RUFY4: variants seen among roughly 807,000 people sequenced by gnomAD.
The protein encoded by RUFY4 is RUN and FYVE domain containing 4, also known as RUN and FYVE domain-containing protein 4.
In RUFY4, 73 loss-of-function variants were observed where a neutral mutation model predicts 69.0. The ratio of observed to expected loss-of-function variants is 1.06; its 90% CI spans 0.88 to 1.29. The LOEUF (loss-of-function observed/expected upper bound fraction) is 1.29, where lower values mean the gene tolerates loss of function less well. Ranked by LOEUF, RUFY4 falls within the 50% of genes most tolerant of loss-of-function variation. The pLI is 0.00. For missense variants in RUFY4, 770 were observed against 705.6 expected, an observed-to-expected ratio of 1.09 and a Z score of -1.03; for synonymous variants, 287 against 271.8, an observed-to-expected ratio of 1.06 and a Z score of -0.55.
intron 4 of RUFY4, 84 bp downstream of exon 6, chr2:218,072,969 A>G (rs948415729): frequency 8.7e-6 from 10 of 1,147,410 alleles, no homozygotes; most frequent in South Asian, 4.7e-5. Flanking sequence ...TAACCCCCAC[A>G]GATGGCTTTC....
intron 3 of RUFY4, among the ~76,000 whole-genome samples, chr2:218,063,327 C>T (rs1234834178): frequency 2.6e-5 from 4 of 152,186 alleles, no homozygotes; most frequent in Non-Finnish European, 5.9e-5. Flanking sequence ...TCCCAGAACC[C>T]ACTTCACACT....
chr2:218,078,251 G>C (rs1689681335), intron 8 of RUFY4, among the ~76,000 whole-genome samples: 1 of 152,164 alleles, frequency 6.6e-6, no homozygotes, highest in African/African-American at 2.4e-5. Flanking sequence ...ATGTTGGTGT[G>C]GTATTTTACA....
intron 8 of RUFY4, among the ~76,000 whole-genome samples, chr2:218,080,121 A>G (rs1427933280): frequency 6.6e-6 from 1 of 152,214 alleles, no homozygotes; most frequent in Non-Finnish European, 1.5e-5. Context: ...GGCCAGATGC[A>G]TACGGGGTGT....
At position 218,089,541 on chromosome 2, in the gene RUFY4, GA is replaced by G. The variant is rs1271211886; in HGVS notation, c.1613+181del. On this transcript the variant is annotated intron_variant, in intron 10 of 10. Transcript: ENST00000344321. The stretch of plus-strand genomic sequence containing the variant: ...CAACACTAAGCAGAGCCATAAAGGA[GA>G]AGAGCAGAAGGATCAGATAAGGAAT... 4 of 640,714 alleles carry G rather than the reference GA, an allele frequency of 6.2e-6. No individual in the cohort carries two copies. In the African/African-American group the frequency reaches 7.3e-5, roughly 12 times the overall value. The allele number at this position is 640,714 out of a possible 1,614,324, so 39.7% of individuals were successfully genotyped here.
chr2:218,062,561 A>C (rs551654996), intron 3 of RUFY4, among the ~76,000 whole-genome samples: 1 of 151,990 alleles, frequency 6.6e-6, no homozygotes, highest in Non-Finnish European at 1.5e-5. Flanking sequence ...ACTACAAAAA[A>C]TTAGCTGGGC....
chr2:218,074,972 A>G, intron 6 of RUFY4, 121 bp from the exon 9 acceptor site: 1 of 1,072,790 alleles, frequency 9.3e-7, no homozygotes, highest in Non-Finnish European at 1.3e-6. Flanking sequence ...GCTTCCAGTG[A>G]GAGGACCTGG....
Position 218,072,774 on chromosome 2 carries a change from T to C in RUFY4, c.280-5T>C, listed in dbSNP as rs372594373. On this transcript the variant is annotated splice_region_variant and splice_polypyrimidine_tract_variant and intron_variant, in intron 3 of 10. Coordinates refer to ENST00000344321, the Ensembl canonical transcript of RUFY4. ...CTCCCCATTCTGCCCCTGTGCACTC[T>C]GCAGTTGAAGACCCCTCTGGGGAAA... 1.3e-6 allele frequency: 2 copies of C among 1,519,270 alleles called. No individual in the cohort carries two copies. The highest frequency in any genetic ancestry group is 1.4e-5 in the African/African-American group (1 of 72,464). 94.1% of individuals were successfully genotyped at this position (1,519,270 alleles called of 1,614,324 possible). A position where few individuals can be genotyped will look rare whatever the true frequency, so the allele number is the denominator to read the frequency against.
chr2:218,089,423 C>T, intron 10 of RUFY4, 61 bp downstream of exon 12: 1 of 1,404,246 alleles, frequency 7.1e-7, no homozygotes, highest in South Asian at 1.2e-5. Flanking sequence ...AGCTGACAGC[C>T]CCCACCCACC....
At chr2:218,089,130 T>C (rs1689965979) in intron 9 of RUFY4, 122 bp from the exon 12 acceptor site, 1 of 711,114 alleles carries the variant, frequency 1.4e-6, no homozygotes, top group Admixed American at 2.8e-5. Flanking sequence ...CCTCTCTGTC[T>C]CTCTCTTCCT....
chr2:218,074,205 C>A (rs1176756454), intron 6 of RUFY4, among the ~76,000 whole-genome samples: 5 of 152,164 alleles, frequency 3.3e-5, no homozygotes, highest in African/African-American at 1.2e-4. Context: ...GAGAGGGACA[C>A]CCTCTGCTGA....
chr2:218,083,256 A>T (rs767442355), exon 9 of RUFY4: 1 of 1,598,242 alleles, frequency 6.3e-7, no homozygotes, highest in Admixed American at 1.7e-5. Context: ...GAACTGATCC[A>T]GTAAGGACGG....
rs1174663821 is a variant in RUFY4 at position 218,072,324 on chromosome 2, G to A, written c.154-50G>A. On this transcript the variant is annotated intron_variant, in intron 2 of 10. Coordinates refer to ENST00000344321, the Ensembl canonical transcript of RUFY4. ...CTCAGCAAGCTAGAATGCAGGGCGTGTTCTGGGAGGAAGCATTTCTACACT... is the reference window on the plus strand; with the variant it reads ...CTCAGCAAGCTAGAATGCAGGGCGTATTCTGGGAGGAAGCATTTCTACACT... 2.0e-6 allele frequency: 3 copies of A among 1,531,000 alleles called. No homozygotes were observed. The Admixed American group carries it at 5.9e-5, about 30-fold the overall frequency. 94.8% of individuals were successfully genotyped at this position (1,531,000 alleles called of 1,614,324 possible). A position where few individuals can be genotyped will look rare whatever the true frequency, so the allele number is the denominator to read the frequency against.
intron 2 of RUFY4, among the ~76,000 whole-genome samples, chr2:218,071,060 A>C (rs1689474866): frequency 6.6e-6 from 1 of 152,132 alleles, no homozygotes; most frequent in South Asian, 2.1e-4. Flanking sequence ...GCGGGGCTGG[A>C]AGGGACCCAG....
intron 2 of RUFY4, among the ~76,000 whole-genome samples, chr2:218,047,839 G>A (rs961218260): frequency 1.3e-5 from 2 of 152,028 alleles, no homozygotes; most frequent in African/African-American, 4.8e-5. Context: ...TATCTCATAC[G>A]GAAATGATCT....
chr2:218,080,407 C>T (rs531702388), intron 8 of RUFY4, among the ~76,000 whole-genome samples: 228 of 152,280 alleles, frequency 1.5e-3, no homozygotes, highest in African/African-American at 4.6e-3. Flanking sequence ...GCTGTGAAAA[C>T]GGACTTTGGG....
chr2:218,056,449 T>C (rs1318476638), intron 2 of RUFY4, among the ~76,000 whole-genome samples: 1 of 152,098 alleles, frequency 6.6e-6, no homozygotes, highest in Non-Finnish European at 1.5e-5. Flanking sequence ...TGCCCAAATG[T>C]GGCCCGGGTC....
intron 9 of RUFY4, among the ~76,000 whole-genome samples, chr2:218,084,954 A>T (rs986743499): frequency 2.0e-5 from 3 of 152,190 alleles, no homozygotes; most frequent in African/African-American, 7.2e-5. Flanking sequence ...AGGCTGAGGC[A>T]GGAGAATCAC....
chr2:218,037,939 AAAC>A (rs1959003173), intron 2 of RUFY4, among the ~76,000 whole-genome samples: 1 of 152,170 alleles, frequency 6.6e-6, no homozygotes, highest in African/African-American at 2.4e-5. Context: ...TAAAAGAAAA[AAAC>A]AGTTTCCTAA....
At chr2:218,053,755 C>T (rs1271202482) in intron 2 of RUFY4, among the ~76,000 whole-genome samples, 20 of 152,182 alleles carry the variant, frequency 1.3e-4, no homozygotes, top group African/African-American at 4.8e-4. Context: ...GCCTCGGCCT[C>T]CCAAAGTGCT....
Sources: gnomAD v4.1 joint callset for allele counts (sites outside exome capture counted in the v4.1 genomes callset) on GRCh38, gnomAD v4.1.1 for gene constraint, MANE v1.5 for transcripts, NCBI Gene and HGNC (gene_info 2026-07-23, HGNC 2026-07-21) for gene names.